NCOR1: variants seen among roughly 807,000 people sequenced by gnomAD.
The protein encoded by NCOR1 is nuclear receptor corepressor 1, also known as protein phosphatase 1, regulatory subunit 109.
NCOR1 carries 63 observed loss-of-function variants against 288.1 expected under a neutral mutation model. The observed-to-expected ratio is 0.22, with a 90% CI of 0.18 to 0.27. The LOEUF (loss-of-function observed/expected upper bound fraction) is 0.27, where lower values mean the gene tolerates loss of function less well. Among genes scored for constraint, NCOR1 ranks in the 10% least tolerant of loss-of-function variants. The pLI, the probability that NCOR1 is intolerant of heterozygous loss-of-function variation, is 1.00. For synonymous variants in NCOR1, 1,007 were observed against 1,065.9 expected, an observed-to-expected ratio of 0.94 and a Z score of 1.08; for missense variants, 2,397 against 3,019.2, an observed-to-expected ratio of 0.79 and a Z score of 4.83.
intron 14 of NCOR1, among the ~76,000 whole-genome samples, chr17:16,133,221 G>A (rs1401326030): frequency 6.6e-6 from 1 of 152,086 alleles, no homozygotes; most frequent in African/African-American, 2.4e-5. Context: ...CACCCGCCCT[G>A]GACTCCCAAA....
At chr17:16,167,207 C>A (rs1457862304) in intron 4 of NCOR1, among the ~76,000 whole-genome samples, 3 of 152,172 alleles carry the variant, frequency 2.0e-5, no homozygotes, top group African/African-American at 7.2e-5. Flanking sequence ...CCACTGACTT[C>A]CTTTCTAAAT....
chr17:16,057,727 G>C lies in NCOR1; in HGVS notation c.6179C>G (p.Thr2060Arg). The change falls in exon 40 of 46, where the codon ACA (threonine) becomes AGA (arginine). Residue 2060 changes from threonine (T) to arginine (R), a missense_variant. Thr to Arg is a moderately conservative substitution (Grantham distance 71, BLOSUM62 -1). Transcript: ENST00000268712. Reference sequence around the variant, plus strand: ...AACTTGATTTCTAGCAAAATCTTGTGTGATAATTTGCTGTGAATGAGAAAT... The same window carrying C: ...AACTTGATTTCTAGCAAAATCTTGTCTGATAATTTGCTGTGAATGAGAAAT... ...TLADHICQII[T>R]QDFARNQVSS... 6.2e-7 allele frequency: 1 copy of C among 1,613,768 alleles called. No homozygotes were observed.
intron 22 of NCOR1, chr17:16,087,309 T>C (rs183672933): frequency 3.3e-4 from 425 of 1,304,138 alleles, no homozygotes; most frequent in Non-Finnish European, 3.6e-4. Flanking sequence ...TAGAGCACGT[T>C]TGACCTCAGC....
chr17:16,119,937 G>A (rs1235362169), intron 16 of NCOR1, among the ~76,000 whole-genome samples: 2 of 152,060 alleles, frequency 1.3e-5, no homozygotes, highest in Admixed American at 1.3e-4. Context: ...GACATCCAGT[G>A]GGTAAAGATG....
intron 11 of NCOR1, among the ~76,000 whole-genome samples, chr17:16,142,617 TAGCCTG>T (rs1450634902): frequency 3.3e-5 from 5 of 152,198 alleles, no homozygotes; most frequent in African/African-American, 1.2e-4. Context: ...AACTCAAAGA[TAGCCTG>T]ACCCAAAGGT....
At chr17:16,074,385 T>G (rs1476515627) in intron 27 of NCOR1, among the ~76,000 whole-genome samples, 1 of 152,252 alleles carries the variant, frequency 6.6e-6, no homozygotes, top group Non-Finnish European at 1.5e-5. Context: ...TACAGAGTAA[T>G]GGATGGATTC....
chr17:16,037,243 A>G (rs2056587393), intron 44 of NCOR1, among the ~76,000 whole-genome samples: 1 of 152,196 alleles, frequency 6.6e-6, no homozygotes, highest in Non-Finnish European at 1.5e-5. Context: ...CAATTACAAT[A>G]GTAATATCAA....
chr17:16,092,688 TATA>T (rs1567960582), intron 21 of NCOR1, among the ~76,000 whole-genome samples: 27 of 12,092 alleles, frequency 2.2e-3, no homozygotes, highest in Admixed American at 3.2e-3. Flanking sequence ...TATATATATA[TATA>T]TATATTTTTT....
intron 1 of NCOR1, among the ~76,000 whole-genome samples, chr17:16,206,668 G>C (rs1321434898): frequency 1.3e-5 from 2 of 152,188 alleles, no homozygotes; most frequent in Non-Finnish European, 2.9e-5. Flanking sequence ...TAACAGGCAT[G>C]AGTCACCATG....
At chr17:16,184,098 T>TA (rs1324620086) in intron 3 of NCOR1, among the ~76,000 whole-genome samples, 1 of 152,118 alleles carries the variant, frequency 6.6e-6, no homozygotes, top group African/African-American at 2.4e-5. Context: ...ATAAAATACT[T>TA]AAATATAAGA....
intron 1 of NCOR1, among the ~76,000 whole-genome samples, chr17:16,207,954 T>C (rs1360982216): frequency 1.3e-5 from 2 of 150,580 alleles, no homozygotes; most frequent in Non-Finnish European, 3.0e-5. Context: ...ATTTTTTATA[T>C]AAAACTAGTC....
intron 5 of NCOR1, among the ~76,000 whole-genome samples, chr17:16,161,574 G>A (rs1309764101): frequency 6.6e-6 from 1 of 152,182 alleles, no homozygotes; most frequent in African/African-American, 2.4e-5. Context: ...TGGGATTACA[G>A]GTTGAGCCAC....
intron 3 of NCOR1, among the ~76,000 whole-genome samples, chr17:16,184,873 T>C (rs2086272975): frequency 6.6e-6 from 1 of 151,934 alleles, no homozygotes; most frequent in Non-Finnish European, 1.5e-5. Flanking sequence ...CTATGGAATA[T>C]TATTCAACCC....
chr17:16,056,738 A>G (rs1044507020), intron 40 of NCOR1, among the ~76,000 whole-genome samples: 2 of 152,224 alleles, frequency 1.3e-5, no homozygotes, highest in African/African-American at 4.8e-5. Flanking sequence ...CCAAACACAG[A>G]ATATCAGGTA....
intron 3 of NCOR1, among the ~76,000 whole-genome samples, chr17:16,178,815 T>A (rs1445903136): frequency 6.6e-6 from 1 of 152,124 alleles, no homozygotes; most frequent in African/African-American, 2.4e-5. Context: ...TATTATATAA[T>A]AATTTTAGGC....
chr17:16,113,251 C>CA (rs764606827), intron 18 of NCOR1, among the ~76,000 whole-genome samples: 2,085 of 135,156 alleles, frequency 0.015, 39 homozygotes, highest in African/African-American at 0.049. Context: ...AACCATTTTC[C>CA]AAAAAAAAAA....
At chr17:16,065,864 G>A (rs2061058113) in intron 32 of NCOR1, 170 bp from the exon 33 acceptor site, 1 of 615,566 alleles carries the variant, frequency 1.6e-6, no homozygotes, top group Admixed American at 2.8e-5. Flanking sequence ...TGATGTATTA[G>A]CAATAGCAAT....
chr17:16,070,071 G>C (rs1451149690), intron 31 of NCOR1, 94 bp downstream of exon 31: 25 of 1,452,884 alleles, frequency 1.7e-5, no homozygotes, highest in Admixed American at 2.3e-5. Context: ...ATACTCTAAA[G>C]CTGACAATTT....
At chr17:16,193,196 G>A (rs1268425559) in intron 2 of NCOR1, among the ~76,000 whole-genome samples, 1 of 152,074 alleles carries the variant, frequency 6.6e-6, no homozygotes, top group Non-Finnish European at 1.5e-5. Flanking sequence ...TTCTAATATA[G>A]ATATATGTGT....
Sources: gnomAD v4.1 joint callset for allele counts (sites outside exome capture counted in the v4.1 genomes callset) on GRCh38, gnomAD v4.1.1 for gene constraint, MANE v1.5 for transcripts, NCBI Gene and HGNC (gene_info 2026-07-23, HGNC 2026-07-21) for gene names.